The following CNTN4 variants were observed in gnomAD, a reference collection of about 807,000 sequenced individuals.
The protein encoded by CNTN4 is contactin 4, also known as contactin-4.
Under a neutral mutation model 122.5 loss-of-function variants are expected in CNTN4, and 77 were observed. That is an observed-to-expected ratio of 0.63 (90% confidence interval 0.52 to 0.76). CNTN4 has a LOEUF of 0.76. Ranked by LOEUF, CNTN4 falls within the 30% of genes least tolerant of loss-of-function variation. The probability of loss-of-function intolerance (pLI) is 0.00; values close to 1 mark genes in which losing one functional copy is unlikely to be tolerated. For synonymous variants in CNTN4, 512 were observed against 447.0 expected (o/e 1.15, Z -1.83); for missense variants, 1,256 against 1,259.1 (o/e 1.00, Z 0.04).
At chr3:2,298,672 C>G (rs2042397534) in intron 2 of CNTN4, among the ~76,000 whole-genome samples, 1 of 151,872 alleles carries the variant, frequency 6.6e-6, no homozygotes, top group Non-Finnish European at 1.5e-5. Flanking sequence ...ACATTTCAAC[C>G]AAAAAAGTAT....
At chr3:2,851,346 C>T (rs1434789775) in intron 7 of CNTN4, among the ~76,000 whole-genome samples, 1 of 152,196 alleles carries the variant, frequency 6.6e-6, no homozygotes, top group East Asian at 1.9e-4. Flanking sequence ...CTCTCCTTAT[C>T]CTAAAACCAC....
At chr3:2,413,110 A>G (rs1012729011) in intron 3 of CNTN4, among the ~76,000 whole-genome samples, 1 of 152,196 alleles carries the variant, frequency 6.6e-6, no homozygotes, top group African/African-American at 2.4e-5. Flanking sequence ...TGTACTATGT[A>G]GATTAGGTTG....
intron 4 of CNTN4, among the ~76,000 whole-genome samples, chr3:2,584,703 A>C (rs1470829002): frequency 1.6e-4 from 24 of 147,588 alleles, no homozygotes; most frequent in Middle Eastern, 3.4e-3. Context: ...GTCTCAAAAA[A>C]AAAAAAAAAA....
At chr3:2,575,522 A>G (rs6804507) in intron 4 of CNTN4, among the ~76,000 whole-genome samples, 15,905 of 152,062 alleles carry the variant, frequency 0.1, 1,048 homozygotes, top group Non-Finnish European at 0.14. Context: ...AAGGAAGGCA[A>G]GGAAGAAAGA....
intron 3 of CNTN4, among the ~76,000 whole-genome samples, chr3:2,400,432 T>C (rs186018483): frequency 0.02 from 2,076 of 102,992 alleles, 43 homozygotes; most frequent in Non-Finnish European, 0.022. Context: ...TATATACATA[T>C]ATATATATAT....
chr3:2,263,209 C>CA (rs1300869653), intron 2 of CNTN4, among the ~76,000 whole-genome samples: 4 of 152,088 alleles, frequency 2.6e-5, no homozygotes, highest in African/African-American at 9.7e-5. Context: ...TATTTTAAAA[C>CA]ACTGTTGCTG....
chr3:2,548,578 A>G (rs1575945350), intron 3 of CNTN4, among the ~76,000 whole-genome samples: 1 of 151,918 alleles, frequency 6.6e-6, no homozygotes, highest in East Asian at 2.0e-4. Flanking sequence ...TTTACTGTAG[A>G]CTTGTAGTAT....
intron 3 of CNTN4, among the ~76,000 whole-genome samples, chr3:2,532,210 G>C (rs930808192): frequency 1.3e-5 from 2 of 152,060 alleles, no homozygotes; most frequent in African/African-American, 4.8e-5. Context: ...TCTCTATTTT[G>C]TGAGATAGTT....
At chr3:2,655,456 T>G (rs2083545017) in intron 4 of CNTN4, among the ~76,000 whole-genome samples, 1 of 152,196 alleles carries the variant, frequency 6.6e-6, no homozygotes, top group Non-Finnish European at 1.5e-5. Flanking sequence ...TCATAAAAGT[T>G]GAATTAAGGG....
chr3:2,791,661 A>G (rs556904037), intron 6 of CNTN4, among the ~76,000 whole-genome samples: 2 of 152,306 alleles, frequency 1.3e-5, no homozygotes, highest in African/African-American at 4.8e-5. Context: ...TAATAAATTG[A>G]CCTACATTTG....
chr3:2,589,286 G>C lies in CNTN4; in HGVS notation c.55+17728G>C, dbSNP rs576384161. Among the ~76,000 whole-genome samples, 280 of 152,312 alleles carry C rather than the reference G, an allele frequency of 1.8e-3. 1 individual carries two copies. Among genetic ancestry groups the C allele is most frequent in the African/African-American group, 6.4e-3 (266 of 41,570 alleles). On this transcript the variant is annotated intron_variant, in intron 4 of 24. Transcript: ENST00000418658. ...CATTCTTAAAGTCTTGGGGAGCCCAGTTGGCTCTTAAAAACACAACTTGGA... is the reference window on the plus strand; with the variant it reads ...CATTCTTAAAGTCTTGGGGAGCCCACTTGGCTCTTAAAAACACAACTTGGA...
chr3:2,896,297 G>C (rs2094114206), intron 10 of CNTN4, among the ~76,000 whole-genome samples: 1 of 152,042 alleles, frequency 6.6e-6, no homozygotes, highest in African/African-American at 2.4e-5. Context: ...AAGCAGCCTT[G>C]CGTTGTGTTA....
intron 13 of CNTN4, among the ~76,000 whole-genome samples, chr3:2,961,472 T>C (rs1280730216): frequency 1.3e-5 from 2 of 152,102 alleles, no homozygotes; most frequent in Non-Finnish European, 2.9e-5. Context: ...CAGTAGTTTT[T>C]CAGCAACTGT....
chr3:2,881,504 C>T (rs1483141607), intron 8 of CNTN4, among the ~76,000 whole-genome samples: 2 of 144,910 alleles, frequency 1.4e-5, no homozygotes, highest in Non-Finnish European at 3.0e-5. Flanking sequence ...CAGAGCAAGA[C>T]TCAGTCTCAA....
intron 3 of CNTN4, among the ~76,000 whole-genome samples, chr3:2,439,515 A>T (rs1266701885): frequency 6.6e-6 from 1 of 152,156 alleles, no homozygotes. Context: ...CATCATTGAA[A>T]GAACTATAGA....
At chr3:2,764,352 T>C (rs924010919) in intron 6 of CNTN4, among the ~76,000 whole-genome samples, 9 of 152,206 alleles carry the variant, frequency 5.9e-5, no homozygotes, top group African/African-American at 2.2e-4. Flanking sequence ...AACTGAGATC[T>C]GAAGGATCAG....
chr3:2,626,654 T>G (rs1314559796), intron 4 of CNTN4, among the ~76,000 whole-genome samples: 1 of 152,182 alleles, frequency 6.6e-6, no homozygotes, highest in Non-Finnish European at 1.5e-5. Context: ...ATTTTTACAT[T>G]TTTTCATCTG....
At chr3:2,396,030 G>A (rs1182185296) in intron 3 of CNTN4, among the ~76,000 whole-genome samples, 1 of 151,268 alleles carries the variant, frequency 6.6e-6, no homozygotes, top group Non-Finnish European at 1.5e-5. Context: ...TTATGGGGCT[G>A]TTTGTTGTTG....
intron 6 of CNTN4, among the ~76,000 whole-genome samples, chr3:2,775,877 C>A (rs1346893300): frequency 6.6e-6 from 1 of 152,082 alleles, no homozygotes; most frequent in Non-Finnish European, 1.5e-5. Context: ...ATAATATATT[C>A]GGTGCTATAA....
Sources: allele counts gnomAD v4.1 joint callset (sites outside exome capture counted in the v4.1 genomes callset), GRCh38; gene constraint gnomAD v4.1.1; transcripts MANE v1.5; gene names NCBI Gene and HGNC (gene_info 2026-07-23, HGNC 2026-07-21).